MYO5B: variants seen among roughly 807,000 people sequenced by gnomAD.
The protein encoded by MYO5B is myosin VB, also known as unconventional myosin-Vb.
A neutral mutation model predicts 229.3 loss-of-function variants in MYO5B; 143 were observed. The ratio of observed to expected loss-of-function variants is 0.62; its 90% confidence interval spans 0.54 to 0.72. The LOEUF (loss-of-function observed/expected upper bound fraction) is 0.72, where lower values mean the gene tolerates loss of function less well. MYO5B is among the 30% of genes least tolerant of loss of function. MYO5B has a pLI of 0.00. For synonymous variants in MYO5B, 918 were observed against 885.2 expected, an observed-to-expected ratio of 1.04 and a Z score of -0.66; for missense variants, 2,321 against 2,331.0, an observed-to-expected ratio of 1.00 and a Z score of 0.09.
chr18:49,978,694 TACAC>T lies in MYO5B; in HGVS notation c.1056+1746_1056+1749del, dbSNP rs10527520. The stretch of plus-strand genomic sequence containing the variant: ...AAGGAGAAAGGTAGGCAGCAAGTAA[TACAC>T]ACACACACACACACACACACACACA... On this transcript the variant is annotated intron_variant, in intron 9 of 39. Transcript: ENST00000285039. 7.1e-3 allele frequency among the ~76,000 whole-genome samples: 989 copies of T among 139,178 alleles called. 6 individuals carry two copies. The highest frequency in any genetic ancestry group is 0.02 in the East Asian group (91 of 4,620). 91.3% of individuals were successfully genotyped at this position (139,178 alleles called of 152,430 possible).
At chr18:49,942,419 G>A (rs2025326521) in intron 14 of MYO5B, among the ~76,000 whole-genome samples, 1 of 143,696 alleles carries the variant, frequency 7.0e-6, no homozygotes, top group Admixed American at 6.9e-5. Context: ...CCGTCAGAGT[G>A]AACAGGCAAC....
At chr18:50,018,231 T>C (rs1455441833) in intron 4 of MYO5B, among the ~76,000 whole-genome samples, 5 of 151,830 alleles carry the variant, frequency 3.3e-5, no homozygotes, top group African/African-American at 1.2e-4. Flanking sequence ...GGGTTACAGG[T>C]ACATGCCACC....
chr18:50,148,483 G>A (rs377465807), intron 1 of MYO5B, among the ~76,000 whole-genome samples: 167 of 151,998 alleles, frequency 1.1e-3, no homozygotes, highest in African/African-American at 2.3e-3. Context: ...AAGCTTATCC[G>A]CCATGATCAA....
chr18:49,892,573 G>T (rs1019829426), intron 22 of MYO5B, among the ~76,000 whole-genome samples: 2 of 152,274 alleles, frequency 1.3e-5, no homozygotes, highest in Admixed American at 1.3e-4. Context: ...AGCAGAGCAG[G>T]CCCCTGCTCA....
intron 1 of MYO5B, among the ~76,000 whole-genome samples, chr18:50,086,524 C>T (rs2144480952): frequency 6.6e-6 from 1 of 152,360 alleles, no homozygotes; most frequent in South Asian, 2.1e-4. Flanking sequence ...CTAGCACCCA[C>T]TGGTGGACCT....
At chr18:50,034,578 T>G (rs2026427715) in intron 4 of MYO5B, among the ~76,000 whole-genome samples, 3 of 152,188 alleles carry the variant, frequency 2.0e-5, no homozygotes, top group African/African-American at 7.2e-5. Context: ...ACCCCGTCCC[T>G]ACTAAAAATA....
rs540568131 is a variant in MYO5B at position 49,904,726 on chromosome 18, G to C, written c.2517C>G (p.Ala839=). 3 of 1,614,058 alleles carry C rather than the reference G, an allele frequency of 1.9e-6. No individual in the cohort carries two copies. Among genetic ancestry groups the C allele is most frequent in the Admixed American group, 3.3e-5 (2 of 60,024 alleles). The change falls in exon 20 of 40, where the codon GCC becomes GCG. Residue 839 remains alanine, a synonymous_variant. Coordinates refer to ENST00000285039, the MANE Select transcript of MYO5B (RefSeq NM_001080467.3). ...CCCGGGTGAAGGCCTGGATAACAAC[G>C]GCAGCTCTGCGGACCCTCTGGTAGG... is the stretch of plus-strand genomic sequence containing the variant. ...RQAYQRVRRA[A]VVIQAFTRAM...
chr18:50,012,626 T>C (rs1477017592), intron 4 of MYO5B, among the ~76,000 whole-genome samples: 1 of 152,196 alleles, frequency 6.6e-6, no homozygotes, highest in African/African-American at 2.4e-5. Context: ...CCAGGCCCAA[T>C]GCAAAGGCCA....
intron 1 of MYO5B, among the ~76,000 whole-genome samples, chr18:50,074,043 T>C (rs1294483292): frequency 6.6e-6 from 1 of 152,162 alleles, no homozygotes; most frequent in Non-Finnish European, 1.5e-5. Flanking sequence ...CATTTTCACG[T>C]TGCTGATAAA....
At chr18:50,037,725 C>A (rs1477368423) in intron 3 of MYO5B, among the ~76,000 whole-genome samples, 1 of 152,118 alleles carries the variant, frequency 6.6e-6, no homozygotes, top group African/African-American at 2.4e-5. Flanking sequence ...CACAGTGAGA[C>A]CTCTTCTCTA....
At chr18:49,889,543 C>T (rs1386340626) in intron 22 of MYO5B, among the ~76,000 whole-genome samples, 1 of 152,202 alleles carries the variant, frequency 6.6e-6, no homozygotes, top group African/African-American at 2.4e-5. Flanking sequence ...GTAGGTTTTA[C>T]AGCAGGCTGT....
intron 34 of MYO5B, 23 bp downstream of exon 34, chr18:49,843,218 G>A (rs2024081605): frequency 1.9e-6 from 3 of 1,612,914 alleles, no homozygotes; most frequent in Non-Finnish European, 2.5e-6. Context: ...CACAAACCAT[G>A]ACCTTCTGCA....
At chr18:50,126,598 C>G (rs141142854) in intron 1 of MYO5B, 1 of 154,916 alleles carries the variant, frequency 6.5e-6, no homozygotes, top group East Asian at 1.9e-4. Flanking sequence ...AAGTCAAGAG[C>G]TTGCACACAT....
chr18:49,996,303 A>G (rs2025986445), intron 5 of MYO5B, among the ~76,000 whole-genome samples: 1 of 152,202 alleles, frequency 6.6e-6, no homozygotes, highest in African/African-American at 2.4e-5. Flanking sequence ...CACCTAACAA[A>G]TCAGCAATTC....
At chr18:50,164,679 TATCAATCC>T (rs1274891725) in intron 1 of MYO5B, among the ~76,000 whole-genome samples, 2 of 152,358 alleles carry the variant, frequency 1.3e-5, no homozygotes, top group East Asian at 3.9e-4. Context: ...TTGCTGCACC[TATCAATCC>T]ATCATGTAGG....
At chr18:50,134,351 C>T (rs528726113) in intron 1 of MYO5B, among the ~76,000 whole-genome samples, 94 of 151,870 alleles carry the variant, frequency 6.2e-4, no homozygotes, top group African/African-American at 2.1e-3. Flanking sequence ...GTCATGAGAT[C>T]GAGACCATCC....
intron 4 of MYO5B, among the ~76,000 whole-genome samples, chr18:50,024,090 C>T (rs756625431): frequency 6.6e-6 from 1 of 152,116 alleles, no homozygotes; most frequent in Non-Finnish European, 1.5e-5. Context: ...AGCTGGAGTT[C>T]GTACACATCA....
intron 22 of MYO5B, among the ~76,000 whole-genome samples, chr18:49,880,879 G>A (rs1166061029): frequency 6.6e-6 from 1 of 152,192 alleles, no homozygotes; most frequent in Non-Finnish European, 1.5e-5. Flanking sequence ...GCCACCAGAA[G>A]GTTTGCTGAG....
At chr18:49,854,829 A>G (rs1568611418) in intron 30 of MYO5B, among the ~76,000 whole-genome samples, 1 of 152,096 alleles carries the variant, frequency 6.6e-6, no homozygotes, top group Non-Finnish European at 1.5e-5. Flanking sequence ...ACAAGGGAGC[A>G]AGAGAGAGAG....
Sources: allele counts gnomAD v4.1 joint callset (sites outside exome capture counted in the v4.1 genomes callset), GRCh38; gene constraint gnomAD v4.1.1; transcripts MANE v1.5; gene names NCBI Gene and HGNC (gene_info 2026-07-23, HGNC 2026-07-21).